Variants in DPP6 observed in about 807,000 individuals in gnomAD.
The protein encoded by DPP6 is dipeptidyl peptidase like 6.
Under a neutral mutation model 122.6 loss-of-function variants are expected in DPP6, and 69 were observed. That is an observed-to-expected ratio of 0.56 (90% confidence interval 0.46 to 0.69). DPP6 has a LOEUF of 0.69. Ranked by LOEUF, DPP6 falls within the 30% of genes least tolerant of loss-of-function variation. DPP6 has a pLI of 0.00. For synonymous variants in DPP6, 418 were observed against 433.1 expected, an observed-to-expected ratio of 0.97 and a Z score of 0.43; for missense variants, 928 against 1,116.9, an observed-to-expected ratio of 0.83 and a Z score of 2.41.
chr7:154,827,500 A>C (rs1172141310), intron 16 of DPP6, among the ~76,000 whole-genome samples: 1 of 152,110 alleles, frequency 6.6e-6, no homozygotes, highest in Non-Finnish European at 1.5e-5. Context: ...CTGTGGAGTC[A>C]GCCCTGGGCA....
At chr7:154,545,613 C>A (rs1172896555) in intron 4 of DPP6, among the ~76,000 whole-genome samples, 1 of 152,004 alleles carries the variant, frequency 6.6e-6, no homozygotes, top group Non-Finnish European at 1.5e-5. Flanking sequence ...AATTTAACAC[C>A]ATCTCTCCAA....
chr7:153,787,851 T>TC, the DPP6 span, among the ~76,000 whole-genome samples: 5 of 139,084 alleles, frequency 3.6e-5, no homozygotes, highest in African/African-American at 1.1e-4. Context: ...TTTTTTTTTT[T>TC]CCTGTTGTGT....
intron 1 of DPP6, among the ~76,000 whole-genome samples, chr7:154,281,054 C>T (rs1435050606): frequency 4.7e-5 from 7 of 148,812 alleles, no homozygotes; most frequent in Non-Finnish European, 8.9e-5. Flanking sequence ...GCTCTGTCAC[C>T]CAGGCTGGCA....
chr7:154,512,580 G>A (rs34476365), intron 3 of DPP6, among the ~76,000 whole-genome samples: 21,183 of 152,160 alleles, frequency 0.14, 1,519 homozygotes, highest in Middle Eastern at 0.18. Flanking sequence ...GGATGTCTTC[G>A]ATGGGGAGGA....
chr7:154,258,522 G>T (rs73727920), intron 1 of DPP6, among the ~76,000 whole-genome samples: 13,696 of 152,188 alleles, frequency 0.09, 1,036 homozygotes, highest in African/African-American at 0.21. Flanking sequence ...AGTTCAAGGG[G>T]TTTTGTTGGT....
At chr7:154,671,692 G>T (rs1415736308) in intron 7 of DPP6, among the ~76,000 whole-genome samples, 1 of 152,160 alleles carries the variant, frequency 6.6e-6, no homozygotes, top group South Asian at 2.1e-4. Flanking sequence ...GTCTATAATT[G>T]TCCTCTTGAA....
At chr7:154,870,245 G>A (rs1011833250) in intron 18 of DPP6, among the ~76,000 whole-genome samples, 1 of 148,576 alleles carries the variant, frequency 6.7e-6, no homozygotes, top group East Asian at 2.1e-4. Context: ...GTCCCCCAAA[G>A]TGCCAGGATT....
intron 8 of DPP6, among the ~76,000 whole-genome samples, chr7:154,758,574 G>GGC (rs1563178327): frequency 6.6e-6 from 1 of 152,060 alleles, no homozygotes; most frequent in Non-Finnish European, 1.5e-5. Context: ...GTTTCACCAT[G>GGC]TTGACCAGGC....
chr7:154,419,958 G>A (rs980337006), intron 1 of DPP6, among the ~76,000 whole-genome samples: 1 of 152,196 alleles, frequency 6.6e-6, no homozygotes, highest in South Asian at 2.1e-4. Flanking sequence ...CCATTGAAAT[G>A]TGGAAACAAT....
chr7:154,354,232 GC>G (rs1811098888), intron 1 of DPP6, among the ~76,000 whole-genome samples: 1 of 152,082 alleles, frequency 6.6e-6, no homozygotes, highest in Non-Finnish European at 1.5e-5. Flanking sequence ...GTCTCAACTT[GC>G]TCTCTTTCTA....
chr7:154,430,444 G>A (rs2151252269), intron 1 of DPP6, among the ~76,000 whole-genome samples: 1 of 152,276 alleles, frequency 6.6e-6, no homozygotes, highest in Admixed American at 6.5e-5. Context: ...TTTGTAGATG[G>A]CTATTTTCTT....
chr7:154,063,546 G>GCA (rs1563160158), intron 1 of DPP6, among the ~76,000 whole-genome samples: 1 of 131,802 alleles, frequency 7.6e-6, no homozygotes, highest in Non-Finnish European at 1.7e-5. Flanking sequence ...CCGCGAGGGT[G>GCA]GGGACTGAGA....
At chr7:153,778,521 T>A in the DPP6 span, among the ~76,000 whole-genome samples, 1 of 150,152 alleles carries the variant, frequency 6.7e-6, no homozygotes, top group Non-Finnish European at 1.5e-5. Context: ...TTAGGTATAA[T>A]TTGTATAGAG....
At chr7:153,995,881 C>T (rs1797407511) in intron 1 of DPP6, among the ~76,000 whole-genome samples, 1 of 152,162 alleles carries the variant, frequency 6.6e-6, no homozygotes, top group Admixed American at 6.5e-5. Context: ...AGACTTAGGC[C>T]ACAGTGATCA....
chr7:153,933,307 C>T (rs1585051577), intron 1 of DPP6, among the ~76,000 whole-genome samples: 1 of 151,964 alleles, frequency 6.6e-6, no homozygotes, highest in African/African-American at 2.4e-5. Flanking sequence ...GCCTTATGTT[C>T]CATACAGCTC....
At chr7:153,864,685 A>G in the DPP6 span, among the ~76,000 whole-genome samples, 1 of 70,372 alleles carries the variant, frequency 1.4e-5, no homozygotes, top group East Asian at 3.8e-4. Context: ...ACACACACAC[A>G]CACACACACA....
chr7:153,963,533 C>T (rs1159945297), intron 1 of DPP6, among the ~76,000 whole-genome samples: 1 of 150,214 alleles, frequency 6.7e-6, no homozygotes, highest in Non-Finnish European at 1.5e-5. Flanking sequence ...GTCCCCAACC[C>T]CTGGGCTGTG....
the DPP6 span, among the ~76,000 whole-genome samples, chr7:153,793,099 C>T: frequency 4.6e-5 from 7 of 152,060 alleles, no homozygotes; most frequent in African/African-American, 1.7e-4. Flanking sequence ...AAATTGATAC[C>T]AGTACATTGG....
At chr7:154,410,165 T>C (rs1480455694) in intron 1 of DPP6, among the ~76,000 whole-genome samples, 1 of 152,220 alleles carries the variant, frequency 6.6e-6, no homozygotes, top group East Asian at 1.9e-4. Context: ...GAAAATTCAA[T>C]AAGATACGTG....
Sources: allele counts gnomAD v4.1 joint callset (sites outside exome capture counted in the v4.1 genomes callset), GRCh38; gene constraint gnomAD v4.1.1; transcripts MANE v1.5; gene names NCBI Gene and HGNC (gene_info 2026-07-23, HGNC 2026-07-21).